MAL: variants seen among roughly 807,000 people sequenced by gnomAD.
The protein encoded by MAL is myelin and lymphocyte protein.
A neutral mutation model predicts 16.7 loss-of-function variants in MAL; 5 were observed. The observed-to-expected ratio is 0.30, with a 90% CI of 0.16 to 0.63. The LOEUF is 0.63. Among genes scored for constraint, MAL ranks in the 30% least tolerant of loss-of-function variants. The probability of loss-of-function intolerance (pLI) is 0.82; values close to 1 mark genes in which losing one functional copy is unlikely to be tolerated. For missense variants in MAL, 202 were observed against 195.8 expected (o/e 1.03, Z -0.19); for synonymous variants, 96 against 85.5 (o/e 1.12, Z -0.67).
intron 2 of MAL, 98 bp from the exon 3 acceptor site, chr2:95,049,483 G>C (rs1234125537): frequency 1.3e-6 from 2 of 1,485,384 alleles, no homozygotes; most frequent in Admixed American, 1.8e-5. Context: ...AAAGGAAGTG[G>C]GGGGAGAGGC....
rs1247684107 is a variant in MAL at position 95,053,849 on chromosome 2, C to T, written c.*394C>T. ...GGTATTGTCCACAAGCTCTCCCGAG[C>T]GCCCCATCTTGTGCCATGTTTTAAG... On this transcript the variant is annotated 3_prime_UTR_variant, in exon 4 of 4. Coordinates refer to ENST00000309988, the MANE Select transcript of MAL (RefSeq NM_002371.4). The T allele has an allele frequency of 1.0e-5, 2 of 200,726 alleles. No individual in the cohort carries two copies. The highest frequency in any genetic ancestry group is 1.2e-4 in the East Asian group (1 of 8,694). The allele number at this position is 200,726 out of a possible 1,614,324, so 12.4% of individuals were successfully genotyped here. A position where few individuals can be genotyped will look rare whatever the true frequency, so the allele number is the denominator to read the frequency against.
intron 1 of MAL, among the ~76,000 whole-genome samples, chr2:95,031,724 T>C (rs1452142900): frequency 6.6e-6 from 1 of 152,224 alleles, no homozygotes; most frequent in Non-Finnish European, 1.5e-5. Context: ...GTGGCTGAGT[T>C]GGCCTTCTCT....
chr2:95,026,509 G>T (rs1328997483), intron 1 of MAL: 1 of 136,042 alleles, frequency 7.4e-6, no homozygotes, highest in Non-Finnish European at 1.6e-5. Context: ...GGAGATGGGG[G>T]GTGGGGGGTG....
chr2:95,046,006 C>T (rs192445468), intron 1 of MAL, among the ~76,000 whole-genome samples: 260 of 152,326 alleles, frequency 1.7e-3, no homozygotes, highest in African/African-American at 5.7e-3. Flanking sequence ...CAGCAGAGGA[C>T]GCTTTCTGGT....
At chr2:95,040,316 C>G (rs1674428672) in intron 1 of MAL, among the ~76,000 whole-genome samples, 1 of 152,112 alleles carries the variant, frequency 6.6e-6, no homozygotes, top group Non-Finnish European at 1.5e-5. Context: ...AACACATACA[C>G]ATGCATACAG....
intron 2 of MAL, 149 bp from the exon 3 acceptor site, chr2:95,049,432 G>A: frequency 9.9e-7 from 1 of 1,005,772 alleles, no homozygotes. Context: ...CAGCAGGGCA[G>A]GCATGGGACC....
chr2:95,030,719 G>C (rs1674057947), intron 1 of MAL, among the ~76,000 whole-genome samples: 1 of 152,234 alleles, frequency 6.6e-6, no homozygotes, highest in Non-Finnish European at 1.5e-5. Flanking sequence ...AGCCCTCCAG[G>C]GGCATGCCCT....
At chr2:95,041,243 C>T (rs1200465135) in intron 1 of MAL, among the ~76,000 whole-genome samples, 3 of 152,212 alleles carry the variant, frequency 2.0e-5, no homozygotes, top group African/African-American at 7.2e-5. Context: ...GTCTTCCCGT[C>T]CTTGATGACC....
chr2:95,036,145 C>T (rs1467610005), intron 1 of MAL, among the ~76,000 whole-genome samples: 1 of 152,146 alleles, frequency 6.6e-6, no homozygotes, highest in Non-Finnish European at 1.5e-5. Flanking sequence ...ATGAAGAGGC[C>T]AGGAGGGGAG....
At position 95,053,829 on chromosome 2, in the gene MAL, T is replaced by A; in HGVS notation, c.*374T>A. On this transcript the variant is annotated 3_prime_UTR_variant, in exon 4 of 4. Transcript: ENST00000309988. ...GCTCTCGAGAACTACCTGTTGGTAT[T>A]GTCCACAAGCTCTCCCGAGCGCCCC... 8.6e-6 allele frequency: 2 copies of A among 233,446 alleles called. No homozygotes were observed. The highest frequency in any genetic ancestry group is 1.7e-5 in the Non-Finnish European group (2 of 117,340). 14.5% of individuals were successfully genotyped at this position (233,446 alleles called of 1,614,324 possible). A position where few individuals can be genotyped will look rare whatever the true frequency, so the allele number is the denominator to read the frequency against.
chr2:95,036,178 AGTCAG>A (rs1674199989), intron 1 of MAL, among the ~76,000 whole-genome samples: 1 of 152,168 alleles, frequency 6.6e-6, no homozygotes, highest in Non-Finnish European at 1.5e-5. Context: ...AGGTAAACCA[AGTCAG>A]GTCCCAGCCC....
chr2:95,028,248 G>A (rs1450625240), intron 1 of MAL, among the ~76,000 whole-genome samples: 3 of 151,700 alleles, frequency 2.0e-5, no homozygotes, highest in Non-Finnish European at 4.4e-5. Context: ...GCTTGAACCT[G>A]GGAGGCAGAG....
chr2:95,042,038 C>T (rs1404691948), intron 1 of MAL, among the ~76,000 whole-genome samples: 1 of 152,166 alleles, frequency 6.6e-6, no homozygotes, highest in Non-Finnish European at 1.5e-5. Flanking sequence ...CATCCTGAGA[C>T]AGTGAGGCTG....
chr2:95,032,822 C>A (rs1674116691), intron 1 of MAL, among the ~76,000 whole-genome samples: 1 of 152,250 alleles, frequency 6.6e-6, no homozygotes, highest in Non-Finnish European at 1.5e-5. Flanking sequence ...CACTCTGCTT[C>A]TCTGCAGCAC....
intron 1 of MAL, among the ~76,000 whole-genome samples, chr2:95,033,708 G>T (rs1039412738): frequency 2.6e-5 from 4 of 152,178 alleles, no homozygotes; most frequent in African/African-American, 9.7e-5. Flanking sequence ...GAGCCTGGAG[G>T]TCAAGGCTGT....
chr2:95,039,684 CTGAG>C (rs879440222), intron 1 of MAL, among the ~76,000 whole-genome samples: 15 of 138,644 alleles, frequency 1.1e-4, no homozygotes, highest in African/African-American at 1.6e-4. Context: ...GAGTGAGTGA[CTGAG>C]TGAGTGACTG....
At chr2:95,049,914 G>A (rs566395079) in intron 3 of MAL, among the ~76,000 whole-genome samples, 5 of 152,304 alleles carry the variant, frequency 3.3e-5, no homozygotes, top group African/African-American at 1.2e-4. Context: ...TCCGGCCAGG[G>A]CTGCATGCCC....
chr2:95,037,101 GTGAGTGAGTGAC>G, intron 1 of MAL, among the ~76,000 whole-genome samples: 1 of 149,268 alleles, frequency 6.7e-6, no homozygotes, highest in South Asian at 2.1e-4. Context: ...GAGTGAGTGG[GTGAGTGAGTGAC>G]TGAGTGGGTG....
intron 1 of MAL, among the ~76,000 whole-genome samples, chr2:95,036,079 G>A (rs950172646): frequency 4.6e-5 from 7 of 152,198 alleles, no homozygotes; most frequent in African/African-American, 1.7e-4. Flanking sequence ...ACTGTCTAAG[G>A]CTAGCTGGGG....
Sources: allele counts gnomAD v4.1 joint callset (sites outside exome capture counted in the v4.1 genomes callset), GRCh38; gene constraint gnomAD v4.1.1; transcripts MANE v1.5; gene names NCBI Gene and HGNC (gene_info 2026-07-23, HGNC 2026-07-21).